Variants in EZH2 observed in about 807,000 individuals in gnomAD.
The protein encoded by EZH2 is enhancer of zeste 2 polycomb repressive complex 2 subunit.
In EZH2, 18 loss-of-function variants were observed where a neutral mutation model predicts 98.4. That is an observed-to-expected ratio of 0.18 (90% confidence interval 0.13 to 0.27). EZH2 has a LOEUF of 0.27. Among genes scored for constraint, EZH2 ranks in the 10% least tolerant of loss-of-function variants. The probability of loss-of-function intolerance (pLI) is 1.00; values close to 1 mark genes in which losing one functional copy is unlikely to be tolerated. For synonymous variants in EZH2, 338 were observed against 312.3 expected (o/e 1.08, Z -0.87); for missense variants, 470 against 935.1 (o/e 0.50, Z 6.49).
intron 3 of EZH2, among the ~76,000 whole-genome samples, chr7:148,844,861 T>A (rs1477742723): frequency 6.6e-6 from 1 of 152,160 alleles, no homozygotes; most frequent in Admixed American, 6.5e-5. Context: ...TAATACTTCA[T>A]GTGTCTGAGC....
At chr7:148,842,480 G>A (rs1812713699) in intron 3 of EZH2, among the ~76,000 whole-genome samples, 1 of 152,202 alleles carries the variant, frequency 6.6e-6, no homozygotes, top group East Asian at 1.9e-4. Flanking sequence ...ACAAAGTTAT[G>A]AAAGTCACCT....
chr7:148,866,612 A>C lies in EZH2; in HGVS notation c.-8+17552T>G, dbSNP rs1818551289. Among the ~76,000 whole-genome samples the C allele has an allele frequency of 2.8e-5, 4 of 140,650 alleles. No homozygotes were observed. The East Asian group carries it at 5.9e-4, about 21-fold the overall frequency. 92.3% of individuals were successfully genotyped at this position (140,650 alleles called of 152,430 possible). A position where few individuals can be genotyped will look rare whatever the true frequency, so the allele number is the denominator to read the frequency against. ...TTGTATACACTATATATTATATATA[A>C]TATATATGCATATATGTATATATAC... On this transcript the variant is annotated intron_variant, in intron 1 of 19. Coordinates refer to ENST00000320356, the MANE Select transcript of EZH2 (RefSeq NM_004456.5).
intron 1 of EZH2, among the ~76,000 whole-genome samples, chr7:148,850,175 C>T (rs1303882395): frequency 6.6e-6 from 1 of 152,036 alleles, no homozygotes; most frequent in Non-Finnish European, 1.5e-5. Flanking sequence ...CCCGCCACCA[C>T]GCCAGGCTAA....
In EZH2 at chr7:148,862,306, C is replaced by T. The variant is rs1313701987; in HGVS notation, c.-7-15001G>A. On this transcript the variant is annotated intron_variant, in intron 1 of 19. Transcript: ENST00000320356. ...TCCTCATCTAAAAAGTACTGGTCCA[C>T]TGAGTTACGCAGATTTTCCAGAAGT... Among the ~76,000 whole-genome samples the T allele has an allele frequency of 2.0e-5, 3 of 152,178 alleles. No homozygotes were observed. In the East Asian group the frequency reaches 5.8e-4, roughly 29 times the overall value.
chr7:148,811,487 CAG>C (rs1469371036), intron 16 of EZH2, 136 bp downstream of exon 16: 1 of 658,740 alleles, frequency 1.5e-6, no homozygotes, highest in African/African-American at 1.8e-5. Flanking sequence ...CACAAACATG[CAG>C]AAGTCCAGGC....
rs144175839 is a variant in EZH2, at chr7:148,871,795, G to A, written c.-8+12369C>T. 2.8e-4 allele frequency among the ~76,000 whole-genome samples: 43 copies of A among 151,950 alleles called. No homozygotes were observed. The East Asian group carries it at 6.0e-3, about 21-fold the overall frequency. ...TCACTATGTTGTCCAGGCTGGTCTC[G>A]AACTCCTGGCCTCAACTGATCCTCC... On this transcript the variant is annotated intron_variant, in intron 1 of 19. Transcript: ENST00000320356.
At chr7:148,856,188 T>C (rs1302807398) in intron 1 of EZH2, among the ~76,000 whole-genome samples, 1 of 152,168 alleles carries the variant, frequency 6.6e-6, no homozygotes, top group African/African-American at 2.4e-5. Flanking sequence ...ATCTACTCTG[T>C]ACTCTAGCTG....
intron 6 of EZH2, among the ~76,000 whole-genome samples, 170 bp from the exon 7 acceptor site, chr7:148,827,436 T>C (rs1808045169): frequency 6.6e-6 from 1 of 152,222 alleles, no homozygotes; most frequent in Non-Finnish European, 1.5e-5. Context: ...GGAATGCCAG[T>C]CAGTCAAAAA....
chr7:148,866,643 CATATACGT>C (rs911028323), intron 1 of EZH2, among the ~76,000 whole-genome samples: 14 of 144,362 alleles, frequency 9.7e-5, no homozygotes, highest in South Asian at 6.4e-4. Context: ...TATACATATA[CATATACGT>C]ATATACGTAT....
chr7:148,811,501 G>T, intron 16 of EZH2, 124 bp downstream of exon 16: 1 of 744,692 alleles, frequency 1.3e-6, no homozygotes, highest in South Asian at 1.9e-5. Context: ...AGTCCAGGCT[G>T]AAAAGGCAGT....
In EZH2 at chr7:148,816,783, C is replaced by CA; in HGVS notation, c.1411-6dup. Reference sequence around the variant, plus strand: ...TTTGACTCTAAACTCATACACCTGACAAGAGGCACAGTCACAGAGCCATGA... The same window carrying CA: ...TTTGACTCTAAACTCATACACCTGACAAAGAGGCACAGTCACAGAGCCATGA... On this transcript the variant is annotated splice_region_variant and splice_polypyrimidine_tract_variant and intron_variant, in intron 11 of 19. Coordinates refer to ENST00000320356, the MANE Select transcript of EZH2 (RefSeq NM_004456.5). 2 of 1,608,528 alleles carry CA rather than the reference C, an allele frequency of 1.2e-6. No individual in the cohort carries two copies. Among genetic ancestry groups the CA allele is most frequent in the Non-Finnish European group, 1.7e-6 (2 of 1,174,950 alleles).
chr7:148,839,441 G>A (rs1019685504), intron 3 of EZH2, among the ~76,000 whole-genome samples: 3 of 148,102 alleles, frequency 2.0e-5, no homozygotes, highest in South Asian at 2.2e-4. Flanking sequence ...ATCTTGAAGT[G>A]AAGAAAGACT....
At chr7:148,815,661 G>T in intron 12 of EZH2, 115 bp from the exon 13 acceptor site, 1 of 918,074 alleles carries the variant, frequency 1.1e-6, no homozygotes, top group South Asian at 1.4e-5. Flanking sequence ...TTAAAGCCAA[G>T]AGTCATGCCC....
intron 1 of EZH2, among the ~76,000 whole-genome samples, chr7:148,869,536 C>CT (rs1244573704): frequency 6.6e-6 from 1 of 151,958 alleles, no homozygotes; most frequent in African/African-American, 2.4e-5. Context: ...TGGGGCCTCA[C>CT]TTTGTTGTCC....
chr7:148,874,689 G>A (rs1819938910), intron 1 of EZH2, among the ~76,000 whole-genome samples: 1 of 152,122 alleles, frequency 6.6e-6, no homozygotes, highest in Non-Finnish European at 1.5e-5. Context: ...CAATTCAGGT[G>A]TTGAGCAAAA....
Position 148,810,922 on chromosome 7 carries a change from A to AT in EZH2, c.1948-509dup, listed in dbSNP as rs1554483081. Among the ~76,000 whole-genome samples the AT allele has an allele frequency of 6.5e-3, 971 of 148,880 alleles. 18 individuals are homozygous for AT. The highest frequency in any genetic ancestry group is 0.023 in the African/African-American group (912 of 39,210). On this transcript the variant is annotated intron_variant, in intron 16 of 19. Transcript: ENST00000320356. ...AAAAAAAAAAAAAAAAAAAAAAAAA[A>AT]TTTGGGTGAGCTGGTTCCAAACTGA... is the stretch of plus-strand genomic sequence containing the variant.
intron 15 of EZH2, 28 bp from the exon 16 acceptor site, chr7:148,811,748 CA>C: frequency 6.3e-7 from 1 of 1,577,668 alleles, no homozygotes; most frequent in Non-Finnish European, 8.6e-7. Flanking sequence ...ATCACATCAT[CA>C]AAAAAGGAGG....
intron 8 of EZH2, 35 bp downstream of exon 8, chr7:148,826,417 CAT>C (rs759417926): frequency 1.3e-6 from 2 of 1,487,876 alleles, no homozygotes; most frequent in Non-Finnish European, 9.0e-7. Context: ...TGCTTTAAAA[CAT>C]AATTCCACAA....
chr7:148,810,501 G>A (rs1238165918), intron 16 of EZH2, 87 bp from the exon 17 acceptor site: 1 of 791,360 alleles, frequency 1.3e-6, no homozygotes, highest in Non-Finnish European at 2.1e-6. Flanking sequence ...AGTGAATACT[G>A]GACCTTCTGG....
Sources: gnomAD v4.1 joint callset for allele counts (sites outside exome capture counted in the v4.1 genomes callset) on GRCh38, gnomAD v4.1.1 for gene constraint, MANE v1.5 for transcripts, NCBI Gene and HGNC (gene_info 2026-07-23, HGNC 2026-07-21) for gene names.